The following PKHD1 variants were observed in gnomAD, a reference collection of about 807,000 sequenced individuals.
The protein encoded by PKHD1 is fibrocystin.
Under a neutral mutation model 412.0 loss-of-function variants are expected in PKHD1, and 291 were observed. The ratio of observed to expected loss-of-function variants is 0.71; its 90% confidence interval spans 0.64 to 0.78. The LOEUF (loss-of-function observed/expected upper bound fraction) is 0.78, where lower values mean the gene tolerates loss of function less well. Among genes scored for constraint, PKHD1 ranks in the 30% least tolerant of loss-of-function variants. The pLI is 0.00. For missense variants in PKHD1, 4,825 were observed against 4,950.7 expected, an observed-to-expected ratio of 0.97 and a Z score of 0.76; for synonymous variants, 1,777 against 1,821.5, an observed-to-expected ratio of 0.98 and a Z score of 0.62.
At chr6:51,981,015 G>A (rs189474760) in intron 35 of PKHD1, among the ~76,000 whole-genome samples, 3 of 152,188 alleles carry the variant, frequency 2.0e-5, no homozygotes, top group African/African-American at 7.2e-5. Flanking sequence ...TAAACTGTTG[G>A]AGGAAAAAAT....
chr6:51,896,627 G>A (rs9349606), intron 43 of PKHD1, among the ~76,000 whole-genome samples: 15 of 152,254 alleles, frequency 9.9e-5, no homozygotes, highest in Admixed American at 1.3e-4. Context: ...CCAAAGGAAC[G>A]CAGTTCCTCA....
chr6:51,763,548 C>T (rs1243182412), intron 55 of PKHD1, among the ~76,000 whole-genome samples: 1 of 152,098 alleles, frequency 6.6e-6, no homozygotes, highest in Admixed American at 6.6e-5. Flanking sequence ...GCTTACTTCA[C>T]AAATCCTTTT....
intron 50 of PKHD1, among the ~76,000 whole-genome samples, chr6:51,841,131 T>C (rs997577035): frequency 6.6e-6 from 1 of 152,340 alleles, no homozygotes; most frequent in Admixed American, 6.5e-5. Context: ...TATTGTTTTT[T>C]CTTATAAATT....
At position 52,082,491 on chromosome 6, in the gene PKHD1, TG is replaced by T; in HGVS notation, c.181del (p.His61ThrfsTer3). 1 of 1,613,964 alleles carries T rather than the reference TG, an allele frequency of 6.2e-7. No homozygotes were observed. The highest frequency in any genetic ancestry group is 8.5e-7 in the Non-Finnish European group (1 of 1,179,886). On this transcript the variant is annotated frameshift_variant, in exon 4 of 67. Transcript: ENST00000371117. LOFTEE classifies it high-confidence loss of function. ...CACCACCATGTTCACGTTCACCAGG[TG>T]TATCTCCAATTGAGAGCCATTGTTG... ...YPNNGSQLEIHLVNVNMVVPA... is the reference protein window; with the variant it reads ...YPNNGSQLEIXLVNVNMVVPA...
At position 52,010,787 on chromosome 6, in the gene PKHD1, A is replaced by C. The variant is rs546401151; in HGVS notation, c.5601-328T>G. ...AGGGACAATACTTCCAGTTCCAAAA[A>C]GGGTAACAAACGTCTGGGAGAGTTT... On this transcript the variant is annotated intron_variant, in intron 34 of 66. Transcript: ENST00000371117. Among the ~76,000 whole-genome samples, 202 of 152,324 alleles carry C rather than the reference A, an allele frequency of 1.3e-3. 1 individual carries two copies. Among genetic ancestry groups the C allele is most frequent in the Admixed American group, 3.3e-3 (51 of 15,300 alleles).
intron 60 of PKHD1, among the ~76,000 whole-genome samples, chr6:51,682,488 G>T (rs1387435798): frequency 2.6e-5 from 4 of 152,006 alleles, no homozygotes; most frequent in Admixed American, 2.6e-4. Context: ...ATTTTCATAA[G>T]CCCAGAATTG....
At chr6:51,944,629 T>C (rs1347728567) in intron 36 of PKHD1, among the ~76,000 whole-genome samples, 1 of 152,184 alleles carries the variant, frequency 6.6e-6, no homozygotes, top group African/African-American at 2.4e-5. Flanking sequence ...CCTAGTTCCC[T>C]GCCCAACAAA....
chr6:51,872,132 C>T (rs899460686), intron 46 of PKHD1, among the ~76,000 whole-genome samples: 15 of 151,704 alleles, frequency 9.9e-5, no homozygotes, highest in African/African-American at 3.6e-4. Context: ...TCCAGGAGGC[C>T]CAATATTTAA....
intron 60 of PKHD1, among the ~76,000 whole-genome samples, chr6:51,699,334 C>A (rs1779151631): frequency 6.6e-6 from 1 of 152,144 alleles, no homozygotes; most frequent in East Asian, 1.9e-4. Context: ...TGCAATCATA[C>A]AGGATGTGTA....
At chr6:51,747,272 C>A (rs1315549343) in intron 58 of PKHD1, among the ~76,000 whole-genome samples, 1 of 152,170 alleles carries the variant, frequency 6.6e-6, no homozygotes, top group Admixed American at 6.5e-5. Context: ...CGTGTCACAA[C>A]TTTGATTTTA....
chr6:51,659,164 A>C lies in PKHD1; in HGVS notation c.10962T>G (p.Thr3654=). The C allele has an allele frequency of 6.2e-7, 1 of 1,613,796 alleles. No individual in the cohort carries two copies. Among genetic ancestry groups the C allele is most frequent in the Non-Finnish European group, 8.5e-7 (1 of 1,179,818 alleles). ...CAATCACTTTTGAGATAGTTTCCAC[A>C]GTCATTGGGGGTGAAGCCCTATGTG... ...MNSHRASPPM[T]VETISKVIVI... The change falls in exon 61 of 67, where the codon ACT becomes ACG. Residue 3654 remains threonine (T), a synonymous_variant. Transcript: ENST00000371117.
chr6:51,689,060 G>T (rs1053402554), intron 60 of PKHD1, among the ~76,000 whole-genome samples: 6 of 151,948 alleles, frequency 3.9e-5, no homozygotes, highest in Non-Finnish European at 8.8e-5. Context: ...AAAACTTCAG[G>T]CCAATATCCC....
chr6:51,778,135 G>T (rs1791369502), intron 53 of PKHD1, among the ~76,000 whole-genome samples: 1 of 152,000 alleles, frequency 6.6e-6, no homozygotes, highest in Non-Finnish European at 1.5e-5. Context: ...AGCAATCAAA[G>T]AAAGGTGAGG....
chr6:51,659,603 A>G lies in PKHD1; in HGVS notation c.10523T>C (p.Val3508Ala). ...TGGAATAAAACTTTCCCCTAAGAAG[A>G]CGTGGGGGCTCTGGAGCTCATGGTA... The part of the protein sequence containing the change: ...VFYHELQSPH[V>A]FLGESFIPPT... The change falls in exon 61 of 67, where the codon GTC (valine) becomes GCC (alanine). Residue 3508 changes from valine (V) to alanine (A), a missense_variant. Val to Ala is a moderately conservative substitution (Grantham distance 64). Coordinates refer to ENST00000371117, the MANE Select transcript of PKHD1 (RefSeq NM_138694.4). 6.2e-7 allele frequency: 1 copy of G among 1,613,686 alleles called. No individual in the cohort carries two copies. Among genetic ancestry groups the G allele is most frequent in the Non-Finnish European group, 8.5e-7 (1 of 1,179,810 alleles).
intron 60 of PKHD1, among the ~76,000 whole-genome samples, chr6:51,733,496 C>T (rs1225725591): frequency 6.9e-6 from 1 of 145,180 alleles, no homozygotes; most frequent in Non-Finnish European, 1.5e-5. Flanking sequence ...GAGATCACAC[C>T]ACTGCACTCC....
chr6:52,081,571 A>G (rs976402689), intron 4 of PKHD1, among the ~76,000 whole-genome samples: 2 of 152,196 alleles, frequency 1.3e-5, no homozygotes, highest in African/African-American at 4.8e-5. Context: ...ACAAAAAAAA[A>G]AAATCCCTTC....
At position 52,055,744 on chromosome 6, in the gene PKHD1, G is replaced by C. The variant is rs1230833528; in HGVS notation, c.1694-15C>G. ...AACTTCTGGGCCTGGATGCAGTTCAGATAAAATAGAAAGGCAGGCATAGAT... is the reference window on the plus strand; with the variant it reads ...AACTTCTGGGCCTGGATGCAGTTCACATAAAATAGAAAGGCAGGCATAGAT... On this transcript the variant is annotated splice_polypyrimidine_tract_variant and intron_variant, in intron 18 of 66. Transcript: ENST00000371117. 2 of 1,613,406 alleles carry C rather than the reference G, an allele frequency of 1.2e-6. No individual in the cohort carries two copies. Among genetic ancestry groups the C allele is most frequent in the Admixed American group, 3.3e-5 (2 of 59,980 alleles).
chr6:51,659,780 G>T lies in PKHD1; in HGVS notation c.10346C>A (p.Pro3449His). 3 of 1,613,248 alleles carry T rather than the reference G, an allele frequency of 1.9e-6. No individual in the cohort carries two copies. Among genetic ancestry groups the T allele is most frequent in the East Asian group, 2.2e-5 (1 of 44,838 alleles). The part of the protein sequence containing the change: ...DVFSSVNANI[P>H]CSTSGSVSTF... ...AGACACTGACCCAGAAGTAGAGCAG[G>T]GAATATTGGCATTTACACTGCTAAA... The change falls in exon 61 of 67, where the codon CCC (proline) becomes CAC (histidine). Residue 3449 changes from proline to histidine, a missense_variant. By Grantham distance (77) the Pro-to-His change is moderately conservative. Transcript: ENST00000371117.
intron 52 of PKHD1, among the ~76,000 whole-genome samples, chr6:51,798,881 A>C (rs1177213404): frequency 6.6e-6 from 1 of 152,168 alleles, no homozygotes; most frequent in Non-Finnish European, 1.5e-5. Flanking sequence ...TCCACAGAGT[A>C]CTCACACATA....
Sources: allele counts gnomAD v4.1 joint callset (sites outside exome capture counted in the v4.1 genomes callset), GRCh38; gene constraint gnomAD v4.1.1; transcripts MANE v1.5; gene names NCBI Gene and HGNC (gene_info 2026-07-23, HGNC 2026-07-21).